WWOX: variants seen among roughly 807,000 people sequenced by gnomAD.
WWOX encodes the protein WW domain containing oxidoreductase.
WWOX carries 69 observed loss-of-function variants against 46.2 expected under a neutral mutation model. That is an observed-to-expected ratio of 1.49 (90% CI 1.23 to 1.82). WWOX has a LOEUF of 1.82. WWOX is among the 40% of genes most tolerant of loss of function. The probability of loss-of-function intolerance (pLI) is 0.00; values close to 1 mark genes in which losing one functional copy is unlikely to be tolerated. For synonymous variants in WWOX, 359 were observed against 202.6 expected, an observed-to-expected ratio of 1.77 and a Z score of -6.56; for missense variants, 919 against 542.6, an observed-to-expected ratio of 1.69 and a Z score of -6.89.
intron 8 of WWOX, among the ~76,000 whole-genome samples, chr16:78,650,796 G>A (rs1161725540): frequency 6.6e-6 from 1 of 152,128 alleles, no homozygotes; most frequent in African/African-American, 2.4e-5. Flanking sequence ...AATCTCAGCT[G>A]GCCTGCAAAG....
chr16:78,726,567 T>TC (rs1472845775), intron 8 of WWOX, among the ~76,000 whole-genome samples: 2 of 149,416 alleles, frequency 1.3e-5, no homozygotes, highest in Non-Finnish European at 2.9e-5. Flanking sequence ...TGCTTTTTGT[T>TC]CCCCCATGGG....
chr16:78,478,026 G>A (rs1019791444), intron 8 of WWOX, among the ~76,000 whole-genome samples: 3 of 152,108 alleles, frequency 2.0e-5, no homozygotes, highest in South Asian at 2.1e-4. Context: ...TATTTTAAAA[G>A]CAATAAAATC....
intron 1 of WWOX, among the ~76,000 whole-genome samples, chr16:78,105,289 C>A (rs1044615993): frequency 6.6e-6 from 1 of 152,078 alleles, no homozygotes; most frequent in African/African-American, 2.4e-5. Context: ...TGGTGAAACC[C>A]CATCTCTACT....
At chr16:79,166,517 G>A (rs11150140) in intron 8 of WWOX, among the ~76,000 whole-genome samples, 81,458 of 151,998 alleles carry the variant, frequency 0.54, 22,782 homozygotes, top group East Asian at 0.88. Context: ...CATACGGGCA[G>A]TAGTCCGCAT....
At position 78,569,578 on chromosome 16, in the gene WWOX, T is replaced by C. The variant is rs1212811163; in HGVS notation, c.1056+136826T>C. On this transcript the variant is annotated intron_variant, in intron 8 of 8. Transcript: ENST00000566780. The stretch of plus-strand genomic sequence containing the variant: ...CATGAAATTTACACCTTTTCAAATT[T>C]TGAAAATTGCCTTGTTGAAAAAGAA... Among the ~76,000 whole-genome samples the C allele has an allele frequency of 2.0e-5, 3 of 152,224 alleles. 1 individual carries two copies. Among genetic ancestry groups the C allele is most frequent in the Non-Finnish European group, 4.4e-5 (3 of 68,038 alleles).
intron 5 of WWOX, among the ~76,000 whole-genome samples, chr16:78,176,734 G>A (rs77254632): frequency 0.058 from 8,756 of 152,240 alleles, 838 homozygotes; most frequent in African/African-American, 0.2. Flanking sequence ...CTTGGAATGC[G>A]TAGCCAGGAG....
At chr16:79,119,160 A>G (rs1050004731) in intron 8 of WWOX, among the ~76,000 whole-genome samples, 2 of 151,604 alleles carry the variant, frequency 1.3e-5, no homozygotes, top group Non-Finnish European at 2.9e-5. Context: ...ACTGAAGTCC[A>G]GTTTCGTCTA....
At chr16:78,400,698 G>T (rs28703737) in intron 6 of WWOX, among the ~76,000 whole-genome samples, 5,813 of 152,262 alleles carry the variant, frequency 0.038, 375 homozygotes, top group African/African-American at 0.13. Context: ...AGGAAGGAAA[G>T]CAGGGATCAT....
chr16:78,928,858 T>C (rs112384849), intron 8 of WWOX, among the ~76,000 whole-genome samples: 1 of 152,196 alleles, frequency 6.6e-6, no homozygotes, highest in African/African-American at 2.4e-5. Flanking sequence ...AGAATTATAA[T>C]GTGTTTTGAC....
At chr16:78,604,457 T>C (rs963384790) in intron 8 of WWOX, among the ~76,000 whole-genome samples, 2 of 152,144 alleles carry the variant, frequency 1.3e-5, no homozygotes, top group Non-Finnish European at 2.9e-5. Context: ...CAAAAGAGAA[T>C]TGTCATCTGT....
At chr16:78,318,201 C>T (rs1027630501) in intron 5 of WWOX, among the ~76,000 whole-genome samples, 1 of 151,002 alleles carries the variant, frequency 6.6e-6, no homozygotes, top group African/African-American at 2.4e-5. Flanking sequence ...GGGCAGAGGA[C>T]CATAATTAAA....
intron 8 of WWOX, among the ~76,000 whole-genome samples, chr16:78,901,191 G>C (rs887178776): frequency 2.0e-5 from 3 of 152,154 alleles, no homozygotes; most frequent in African/African-American, 7.2e-5. Context: ...CATGAGAGTA[G>C]GTGCTGAAGG....
chr16:78,688,146 T>A (rs1002371210), intron 8 of WWOX, among the ~76,000 whole-genome samples: 1 of 152,124 alleles, frequency 6.6e-6, no homozygotes, highest in African/African-American at 2.4e-5. Flanking sequence ...AGAAATGCAT[T>A]TCAAATATAA....
intron 5 of WWOX, among the ~76,000 whole-genome samples, chr16:78,190,860 G>A (rs897760033): frequency 5.9e-5 from 9 of 152,088 alleles, no homozygotes; most frequent in Admixed American, 2.0e-4. Flanking sequence ...TCATGGGTTC[G>A]CTATACTTTA....
intron 5 of WWOX, chr16:78,278,594 A>G (rs1326061431): frequency 1.2e-6 from 2 of 1,606,956 alleles, no homozygotes; most frequent in South Asian, 1.1e-5. Context: ...TTTTGTTTGT[A>G]TCTTACAGAA....
At chr16:78,199,641 G>T (rs765467778) in intron 5 of WWOX, among the ~76,000 whole-genome samples, 3 of 152,124 alleles carry the variant, frequency 2.0e-5, no homozygotes, top group Non-Finnish European at 4.4e-5. Flanking sequence ...AATCTCCTTA[G>T]TGCTACTCAC....
At chr16:78,857,555 C>G (rs1166285612) in intron 8 of WWOX, among the ~76,000 whole-genome samples, 1 of 152,124 alleles carries the variant, frequency 6.6e-6, no homozygotes, top group South Asian at 2.1e-4. Flanking sequence ...CCCATCTACC[C>G]AAGCTGACTG....
intron 8 of WWOX, among the ~76,000 whole-genome samples, chr16:79,174,894 T>C (rs1204053923): frequency 6.6e-6 from 1 of 152,218 alleles, no homozygotes; most frequent in African/African-American, 2.4e-5. Flanking sequence ...CTTGCATAAA[T>C]GGTTGTCATT....
chr16:78,581,672 T>C (rs542744878), intron 8 of WWOX, among the ~76,000 whole-genome samples: 189 of 152,288 alleles, frequency 1.2e-3, no homozygotes, highest in African/African-American at 4.4e-3. Flanking sequence ...TACCCATAGA[T>C]TGAAGTAGTT....
Sources: gnomAD v4.1 joint callset for allele counts (sites outside exome capture counted in the v4.1 genomes callset) on GRCh38, gnomAD v4.1.1 for gene constraint, MANE v1.5 for transcripts, NCBI Gene and HGNC (gene_info 2026-07-23, HGNC 2026-07-21) for gene names.